The following CHD5 variants were observed in gnomAD, a reference collection of about 807,000 sequenced individuals.
The protein encoded by CHD5 is chromodomain helicase DNA binding protein 5, also known as ATP-dependent chromatin remodeler CHD5.
A neutral mutation model predicts 230.3 loss-of-function variants in CHD5; 69 were observed. That is an observed-to-expected ratio of 0.30 (90% confidence interval 0.25 to 0.37). The LOEUF is 0.37. Ranked by LOEUF, CHD5 falls within the 10% of genes least tolerant of loss-of-function variation. The probability of loss-of-function intolerance (pLI) is 1.00; values close to 1 mark genes in which losing one functional copy is unlikely to be tolerated. For synonymous variants in CHD5, 1,064 were observed against 1,065.9 expected (o/e 1.00, Z 0.03); for missense variants, 1,827 against 2,622.8 (o/e 0.70, Z 6.63).
intron 31 of CHD5, among the ~76,000 whole-genome samples, chr1:6,123,289 T>C (rs1264909750): frequency 4.6e-5 from 7 of 152,136 alleles, no homozygotes; most frequent in Non-Finnish European, 1.0e-4. Context: ...GGTTAGTGGC[T>C]GCCCAGGCCT....
chr1:6,141,702 T>C (rs1176487149), intron 15 of CHD5, among the ~76,000 whole-genome samples: 2 of 152,164 alleles, frequency 1.3e-5, no homozygotes, highest in Non-Finnish European at 2.9e-5. Context: ...GATGTGTTTA[T>C]AGGATGAGAA....
chr1:6,164,555 C>T (rs1324166526), intron 2 of CHD5, among the ~76,000 whole-genome samples: 1 of 152,224 alleles, frequency 6.6e-6, no homozygotes, highest in East Asian at 1.9e-4. Flanking sequence ...TTGCGGCCCA[C>T]CTGCCCTGGC....
chr1:6,126,249 C>T lies in CHD5; in HGVS notation c.4078+323G>A, dbSNP rs1321031155. Among the ~76,000 whole-genome samples, 1 of 152,204 alleles carries T rather than the reference C, an allele frequency of 6.6e-6. No homozygotes were observed. Among genetic ancestry groups the T allele is most frequent in the African/African-American group, 2.4e-5 (1 of 41,450 alleles). On this transcript the variant is annotated intron_variant, in intron 26 of 41. Coordinates refer to ENST00000262450, the MANE Select transcript of CHD5 (RefSeq NM_015557.3). The surrounding 1 kb of genome is among the most constrained non-coding windows in gnomAD (Gnocchi z 5.7). ...GCCGCCCAGCGTTCCTGGCCCCCAC[C>T]TCCCGGGGGGGTCCTGCACAGGGAT...
intron 1 of CHD5, among the ~76,000 whole-genome samples, chr1:6,174,996 TGGC>T (rs61727085): frequency 0.24 from 34,090 of 143,784 alleles, 6,822 homozygotes; most frequent in African/African-American, 0.57. Context: ...GATGGATGGA[TGGC>T]AGATGGATGG....
At chr1:6,177,652 T>C (rs1444001841) in intron 1 of CHD5, among the ~76,000 whole-genome samples, 1 of 152,170 alleles carries the variant, frequency 6.6e-6, no homozygotes, top group African/African-American at 2.4e-5. Flanking sequence ...CATGACAATG[T>C]GTCTCAGAGT....
chr1:6,143,804 C>A lies in CHD5; in HGVS notation c.2043+19G>T. On this transcript the variant is annotated intron_variant, in intron 13 of 41. Transcript: ENST00000262450. The stretch of plus-strand genomic sequence containing the variant: ...GCCCTGGCAACCCCACCCACTGCTG[C>A]CCCACCCTCCCCACTCACGTCCACA... 6.5e-7 allele frequency: 1 copy of A among 1,534,512 alleles called. No homozygotes were observed. Among genetic ancestry groups the A allele is most frequent in the Non-Finnish European group, 9.0e-7 (1 of 1,114,412 alleles).
In CHD5 at chr1:6,146,441, CAA is replaced by C; in HGVS notation, c.1591-20_1591-19del. The C allele has an allele frequency of 6.2e-7, 1 of 1,608,538 alleles. No individual in the cohort carries two copies. Among genetic ancestry groups the C allele is most frequent in the South Asian group, 1.1e-5 (1 of 90,556 alleles). On this transcript the variant is annotated intron_variant, in intron 10 of 41. Transcript: ENST00000262450. The surrounding 1 kb of genome is among the most constrained non-coding windows in gnomAD (Gnocchi z 5.1). ...AGCTCCAGCTGCTCATGGAGCGGCA[CAA>C]AGTCACAGAAGGGAGATGGGCCATG...
At position 6,154,713 on chromosome 1, in the gene CHD5, G is replaced by C; in HGVS notation, c.692C>G (p.Pro231Arg). ...GATAGGCACAGGCTGGGGCACCTGC[G>C]GGGGGCTGACGGCTAGCGGAGGGGA... is the stretch of plus-strand genomic sequence containing the variant. ...TISPPLAVSP[P>R]QVPQPVPIRK... The change falls in exon 5 of 42, where the codon CCG (proline) becomes CGG (arginine). Residue 231 changes from proline (P) to arginine (R), a missense_variant. Pro to Arg is a moderately radical substitution (Grantham distance 103). This residue lies in a region of CHD5 where 657 missense variants were observed against 816.4 expected (regional missense o/e 0.80). Coordinates refer to ENST00000262450, the MANE Select transcript of CHD5 (RefSeq NM_015557.3). The surrounding 1 kb of genome is among the most constrained non-coding windows in gnomAD (Gnocchi z 7.0). The C allele has an allele frequency of 6.2e-7, 1 of 1,605,360 alleles. No individual in the cohort carries two copies. Among genetic ancestry groups the C allele is most frequent in the East Asian group, 2.2e-5 (1 of 44,730 alleles).
At chr1:6,157,073 G>A (rs775629345) in intron 3 of CHD5, among the ~76,000 whole-genome samples, 15 of 152,220 alleles carry the variant, frequency 9.9e-5, no homozygotes, top group African/African-American at 2.7e-4. Context: ...GTCAAAATGC[G>A]TTAGCAATTG....
intron 34 of CHD5, 35 bp downstream of exon 34, chr1:6,112,873 TG>T (rs940540541): frequency 2.6e-6 from 4 of 1,512,808 alleles, no homozygotes; most frequent in Non-Finnish European, 3.7e-6. Context: ...CAAGGGACCA[TG>T]GGGCACAGGT....
chr1:6,125,927 T>G lies in CHD5; in HGVS notation c.4079-69A>C. On this transcript the variant is annotated intron_variant, in intron 26 of 41. Coordinates refer to ENST00000262450, the MANE Select transcript of CHD5 (RefSeq NM_015557.3). The surrounding 1 kb of genome is among the most constrained non-coding windows in gnomAD (Gnocchi z 6.7). ...CAAAGCCCACCCTCAAGTTCAAGCA[T>G]GCCCAGGGCCACGCCGAGCCCCTGC... is the stretch of plus-strand genomic sequence containing the variant. The G allele has an allele frequency of 8.3e-7, 1 of 1,202,786 alleles. No individual in the cohort carries two copies. Among genetic ancestry groups the G allele is most frequent in the Non-Finnish European group, 1.2e-6 (1 of 818,900 alleles). The allele number at this position is 1,202,786 out of a possible 1,614,324, so 74.5% of individuals were successfully genotyped here.
In CHD5 at chr1:6,148,866, G is replaced by A; in HGVS notation, c.1371C>T (p.Cys457=). The change falls in exon 9 of 42, where the codon TGC becomes TGT. Residue 457 remains cysteine (C), a synonymous_variant. Coordinates refer to ENST00000262450, the MANE Select transcript of CHD5 (RefSeq NM_015557.3). Reference sequence around the variant, plus strand: ...GCGGAACACTCACAGTACAGCGCGGGCAGAGCCATTCACCGTTTGGGATCT... The same window carrying A: ...GCGGAACACTCACAGTACAGCGCGGACAGAGCCATTCACCGTTTGGGATCT... ...LPEIPNGEWL[C]PRCTCPPLKG... 1 of 1,567,636 alleles carries A rather than the reference G, an allele frequency of 6.4e-7. No homozygotes were observed. The highest frequency in any genetic ancestry group is 8.7e-7 in the Non-Finnish European group (1 of 1,155,820).
At chr1:6,117,814 C>G (rs987843285) in intron 33 of CHD5, among the ~76,000 whole-genome samples, 4 of 152,154 alleles carry the variant, frequency 2.6e-5, no homozygotes, top group Non-Finnish European at 4.4e-5. Context: ...TGTGAAGAAA[C>G]TGGAACCCTC....
intron 1 of CHD5, among the ~76,000 whole-genome samples, chr1:6,169,497 G>A (rs1252712376): frequency 6.6e-6 from 1 of 152,236 alleles, no homozygotes; most frequent in Admixed American, 6.5e-5. Flanking sequence ...CATGTCCTGG[G>A]GGGTGTGACG....
chr1:6,130,476 T>C lies in CHD5; in HGVS notation c.3263-148A>G. The C allele has an allele frequency of 1.3e-6, 1 of 748,650 alleles. No individual in the cohort carries two copies. The highest frequency in any genetic ancestry group is 2.6e-5 in the Admixed American group (1 of 38,350). The allele number at this position is 748,650 out of a possible 1,614,324, so 46.4% of individuals were successfully genotyped here. On this transcript the variant is annotated intron_variant, in intron 21 of 41. Coordinates refer to ENST00000262450, the MANE Select transcript of CHD5 (RefSeq NM_015557.3). This position sits in a 1 kb window ranked among gnomAD's most constrained non-coding sequence, Gnocchi z 4.9. ...AGCCGGAGACCCCATCAGAGACGGG[T>C]GGCCACAGCTGCACTCAGGGGAGCC...
chr1:6,159,227 T>TCACACA lies in CHD5; in HGVS notation c.387+103_387+108dup, dbSNP rs56933510. On this transcript the variant is annotated intron_variant, in intron 3 of 41. Transcript: ENST00000262450. ...AGCCTGGCAACAGAGTGAGACTCCA[T>TCACACA]CACACACACACACACACACACACAC... 353 of 1,402,338 alleles carry TCACACA rather than the reference T, an allele frequency of 2.5e-4. No individual in the cohort carries two copies. The African/African-American group carries it at 3.0e-3, about 12-fold the overall frequency. 86.9% of individuals were successfully genotyped at this position (1,402,338 alleles called of 1,614,324 possible). A position where few individuals can be genotyped will look rare whatever the true frequency, so the allele number is the denominator to read the frequency against.
chr1:6,151,187 G>A (rs370294207), intron 6 of CHD5, 32 bp from the exon 7 acceptor site: 6 of 1,584,182 alleles, frequency 3.8e-6, no homozygotes, highest in Non-Finnish European at 5.2e-6. Context: ...TGTGATCCCA[G>A]GGCTTCACCC....
intron 33 of CHD5, among the ~76,000 whole-genome samples, chr1:6,119,448 A>T (rs1019030023): frequency 2.6e-5 from 4 of 152,238 alleles, no homozygotes; most frequent in Non-Finnish European, 4.4e-5. Context: ...GAGGGTTATT[A>T]CACAATAATT....
chr1:6,119,983 C>T (rs981805722), intron 33 of CHD5, among the ~76,000 whole-genome samples: 1 of 151,980 alleles, frequency 6.6e-6, no homozygotes, highest in South Asian at 2.1e-4. Context: ...GCCTCAGTCT[C>T]CTGAGTAGCT....
Sources: allele counts gnomAD v4.1 joint callset (sites outside exome capture counted in the v4.1 genomes callset), GRCh38; gene constraint gnomAD v4.1.1; regional missense constraint gnomAD v4.1.1; non-coding constraint Gnocchi (gnomAD v3.1); transcripts MANE v1.5; gene names NCBI Gene and HGNC (gene_info 2026-07-23, HGNC 2026-07-21).